The following BTBD7 variants were observed in gnomAD, a reference collection of about 807,000 sequenced individuals.
BTBD7 encodes BTB domain containing 7, also known as BTB/POZ domain-containing protein 7.
BTBD7 carries 38 observed loss-of-function variants against 99.9 expected under a neutral mutation model. The ratio of observed to expected loss-of-function variants is 0.38; its 90% CI spans 0.29 to 0.50. The LOEUF (loss-of-function observed/expected upper bound fraction) is 0.50. Among genes scored for constraint, BTBD7 ranks in the 20% least tolerant of loss-of-function variants. The pLI, the probability that BTBD7 is intolerant of heterozygous loss-of-function variation, is 0.93. For synonymous variants in BTBD7, 520 were observed against 511.4 expected, an observed-to-expected ratio of 1.02 and a Z score of -0.23; for missense variants, 1,170 against 1,394.6, an observed-to-expected ratio of 0.84 and a Z score of 2.57.
At chr14:93,253,170 C>G (rs1216499406) in intron 7 of BTBD7, among the ~76,000 whole-genome samples, 2 of 152,118 alleles carry the variant, frequency 1.3e-5, no homozygotes, top group East Asian at 3.9e-4. Flanking sequence ...ACTTAACAGG[C>G]CTGAAATTTT....
intron 10 of BTBD7, chr14:93,244,255 A>G (rs749025518): frequency 3.3e-6 from 1 of 298,726 alleles, no homozygotes; most frequent in Non-Finnish European, 6.6e-6. Flanking sequence ...GATGCTGGCT[A>G]TTAAGAGATG....
intron 6 of BTBD7, chr14:93,256,181 A>G (rs1383416978): frequency 2.6e-5 from 4 of 152,126 alleles, no homozygotes; most frequent in African/African-American, 4.8e-5. Context: ...TTAACTTTCA[A>G]TAAATTTCTT....
At chr14:93,258,683 C>T (rs1377757776) in intron 5 of BTBD7, among the ~76,000 whole-genome samples, 3 of 152,172 alleles carry the variant, frequency 2.0e-5, no homozygotes, top group Admixed American at 6.5e-5. Context: ...CTCCTGGGTT[C>T]AAGCGATTCT....
At chr14:93,278,178 C>T (rs1358676677) in intron 3 of BTBD7, among the ~76,000 whole-genome samples, 2 of 151,470 alleles carry the variant, frequency 1.3e-5, no homozygotes, top group Admixed American at 6.6e-5. Context: ...TTTGGGAAGC[C>T]GAGGTGGGTG....
At chr14:93,318,742 T>A (rs1203694096) in intron 1 of BTBD7, among the ~76,000 whole-genome samples, 2 of 152,228 alleles carry the variant, frequency 1.3e-5, no homozygotes, top group Non-Finnish European at 1.5e-5. Flanking sequence ...CCCTTTCCTA[T>A]ATGCTACCAG....
At chr14:93,281,784 G>A (rs959811084) in intron 3 of BTBD7, among the ~76,000 whole-genome samples, 1 of 152,124 alleles carries the variant, frequency 6.6e-6, no homozygotes, top group African/African-American at 2.4e-5. Context: ...GAAAAGCATT[G>A]GTAGTAGACA....
chr14:93,331,063 C>G (rs1251097954), intron 1 of BTBD7, among the ~76,000 whole-genome samples: 1 of 151,984 alleles, frequency 6.6e-6, no homozygotes, highest in Non-Finnish European at 1.5e-5. Context: ...TAAGAAAACT[C>G]CAAACGAAAT....
At chr14:93,292,168 C>T (rs964069146) in intron 3 of BTBD7, among the ~76,000 whole-genome samples, 2 of 152,060 alleles carry the variant, frequency 1.3e-5, no homozygotes, top group African/African-American at 4.8e-5. Flanking sequence ...GCCTGGGTGA[C>T]AAGATCAAGA....
At chr14:93,270,480 G>A (rs1033294002) in intron 3 of BTBD7, among the ~76,000 whole-genome samples, 2 of 151,922 alleles carry the variant, frequency 1.3e-5, no homozygotes, top group Non-Finnish European at 2.9e-5. Flanking sequence ...ATTACCCGAG[G>A]TCAGGAGTTC....
chr14:93,317,762 T>C (rs1248380042), intron 1 of BTBD7, among the ~76,000 whole-genome samples: 1 of 152,154 alleles, frequency 6.6e-6, no homozygotes, highest in African/African-American at 2.4e-5. Flanking sequence ...ATAAGGGTGA[T>C]TTACTATGCC....
intron 1 of BTBD7, among the ~76,000 whole-genome samples, chr14:93,311,787 C>A (rs1401149247): frequency 6.7e-6 from 1 of 149,408 alleles, no homozygotes; most frequent in African/African-American, 2.5e-5. Context: ...TTAGGATATA[C>A]CCAACTTGGA....
intron 3 of BTBD7, among the ~76,000 whole-genome samples, chr14:93,275,475 T>G (rs2052644535): frequency 6.6e-6 from 1 of 152,226 alleles, no homozygotes. Context: ...ATATTTGGAA[T>G]TTGGTTGTCC....
chr14:93,307,156 T>C (rs7161162), intron 1 of BTBD7, among the ~76,000 whole-genome samples: 11,946 of 152,210 alleles, frequency 0.078, 1,001 homozygotes, highest in African/African-American at 0.21. Flanking sequence ...TTAGTTTTCC[T>C]GTACTTTTCT....
At chr14:93,321,198 A>G (rs1441683602) in intron 1 of BTBD7, among the ~76,000 whole-genome samples, 1 of 152,252 alleles carries the variant, frequency 6.6e-6, no homozygotes, top group East Asian at 1.9e-4. Context: ...CTCTCCCTCA[A>G]ATAAGAATTT....
intron 1 of BTBD7, among the ~76,000 whole-genome samples, chr14:93,301,479 C>T (rs915750798): frequency 2.6e-5 from 4 of 151,680 alleles, no homozygotes; most frequent in African/African-American, 7.3e-5. Context: ...CGTGAGCCAC[C>T]GTGCCCAGCC....
At chr14:93,329,361 A>C (rs976993952) in intron 1 of BTBD7, among the ~76,000 whole-genome samples, 1 of 152,152 alleles carries the variant, frequency 6.6e-6, no homozygotes, top group African/African-American at 2.4e-5. Context: ...GGAAAAAAAA[A>C]CCCAAACAGC....
intron 1 of BTBD7, among the ~76,000 whole-genome samples, chr14:93,326,401 A>T (rs1281375841): frequency 1.3e-5 from 2 of 152,206 alleles, no homozygotes. Context: ...CAGGTAGTTG[A>T]GGTTCTGGTG....
At chr14:93,275,785 G>A (rs148225362) in intron 3 of BTBD7, among the ~76,000 whole-genome samples, 13 of 152,258 alleles carry the variant, frequency 8.5e-5, no homozygotes, top group African/African-American at 2.9e-4. Context: ...CATTATAAAG[G>A]TACTGTGAAA....
At chr14:93,263,258 A>C (rs1464869981) in intron 4 of BTBD7, among the ~76,000 whole-genome samples, 1 of 152,254 alleles carries the variant, frequency 6.6e-6, no homozygotes, top group African/African-American at 2.4e-5. Context: ...TTGACATTTA[A>C]GTCAAGAACA....
Sources: allele counts gnomAD v4.1 joint callset (sites outside exome capture counted in the v4.1 genomes callset), GRCh38; gene constraint gnomAD v4.1.1; transcripts MANE v1.5; gene names NCBI Gene and HGNC (gene_info 2026-07-23, HGNC 2026-07-21).